Variants in CPN1 observed in about 807,000 individuals in gnomAD.
The protein encoded by CPN1 is carboxypeptidase N catalytic chain.
CPN1 carries 37 observed loss-of-function variants against 46.4 expected under a neutral mutation model. The ratio of observed to expected loss-of-function variants is 0.80; its 90% CI spans 0.61 to 1.05. CPN1 has a LOEUF of 1.05. CPN1 is among the 50% of genes least tolerant of loss of function. CPN1 has a pLI of 0.00. For synonymous variants in CPN1, 224 were observed against 235.4 expected (o/e 0.95, Z 0.44); for missense variants, 563 against 602.6 (o/e 0.93, Z 0.69).
At chr10:100,068,154 CAA>C (rs753569536) in intron 3 of CPN1, among the ~76,000 whole-genome samples, 13 of 55,116 alleles carry the variant, frequency 2.4e-4, no homozygotes, top group Non-Finnish European at 3.2e-4. Context: ...GACTCTGTCT[CAA>C]AAAAAAAAAA....
Position 100,069,857 on chromosome 10 carries a change from G to C in CPN1, c.433C>G (p.Pro145Ala), listed in dbSNP as rs772673021. 1.1e-5 allele frequency: 17 copies of C among 1,613,542 alleles called. No homozygotes were observed. The highest frequency in any genetic ancestry group is 1.4e-5 in the Non-Finnish European group (16 of 1,179,986). Residue 145 changes from proline to alanine, a missense_variant, in exon 3 of 9, where the codon CCT becomes GCT. Transcript: ENST00000370418. ...TTGTTCCTGCCAACTAGATACCCAG[G>C]CTTGTTTGGGCCCTAAAGGAAAATG... Reference protein sequence around the residue: ...EVAAAQGPNKPGYLVGRNNAN... With the variant: ...EVAAAQGPNKAGYLVGRNNAN...
At position 100,065,322 on chromosome 10, in the gene CPN1, A is replaced by C. The variant is rs1015106851; in HGVS notation, c.625T>G (p.Phe209Val). Residue 209 changes from phenylalanine to valine, a missense_variant, in exon 4 of 9, where the codon TTT becomes GTT. Coordinates refer to ENST00000370418, the MANE Select transcript of CPN1 (RefSeq NM_001308.3). ...CCGTGGAGATTGGCTGAAAGAACAAAGTTGAAGGAGTGCATCCACCGGATC... is the reference window on the plus strand; with the variant it reads ...CCGTGGAGATTGGCTGAAAGAACAACGTTGAAGGAGTGCATCCACCGGATC... ...AVIRWMHSFN[F>V]VLSANLHGGA... 1.2e-5 allele frequency: 19 copies of C among 1,614,044 alleles called. No individual in the cohort carries two copies. The highest frequency in any genetic ancestry group is 1.6e-5 in the Non-Finnish European group (19 of 1,180,036).
At chr10:100,068,956 G>A (rs2041469916) in intron 3 of CPN1, among the ~76,000 whole-genome samples, 1 of 152,220 alleles carries the variant, frequency 6.6e-6, no homozygotes, top group Non-Finnish European at 1.5e-5. Flanking sequence ...GTTGGAATAA[G>A]AATCAGAAGG....
intron 5 of CPN1, among the ~76,000 whole-genome samples, chr10:100,063,357 G>A (rs2041431904): frequency 6.6e-6 from 1 of 152,082 alleles, no homozygotes; most frequent in African/African-American, 2.4e-5. Context: ...TCCTGACCTC[G>A]TGATCCACCC....
chr10:100,076,090 A>G lies in CPN1; in HGVS notation c.241T>C (p.Tyr81His), dbSNP rs1412851052. 1.2e-6 allele frequency: 2 copies of G among 1,614,104 alleles called. No individual in the cohort carries two copies. The highest frequency in any genetic ancestry group is 1.3e-5 in the African/African-American group (1 of 74,928). ...TCGTTGCCGTGCATGTTCCCCACATACTTGACCTCTGGTTCCACTGCAAGG... is the reference window on the plus strand; with the variant it reads ...TCGTTGCCGTGCATGTTCCCCACATGCTTGACCTCTGGTTCCACTGCAAGG... ...IHEPLEPEVK[Y>H]VGNMHGNEAL... The change falls in exon 2 of 9, where the codon TAT becomes CAT. Residue 81 changes from tyrosine to histidine, a missense_variant. By Grantham distance (83) the Tyr-to-His change is moderately conservative. Transcript: ENST00000370418.
intron 3 of CPN1, 74 bp from the exon 4 acceptor site, chr10:100,065,444 G>T: frequency 6.5e-7 from 1 of 1,533,860 alleles, no homozygotes; most frequent in South Asian, 1.1e-5. Context: ...GAGTAAGTCT[G>T]TCAGGAAGTG....
chr10:100,068,074 C>G lies in CPN1; in HGVS notation c.576+1640G>C, dbSNP rs553644708. On this transcript the variant is annotated intron_variant, in intron 3 of 8. Transcript: ENST00000370418. ...GACTGAGGCAGGAGAATCGCTTGAA[C>G]CCAGGAGGAAGAGGTTGCAGTGAGC... 2.7e-5 allele frequency among the ~76,000 whole-genome samples: 4 copies of G among 150,880 alleles called. No individual in the cohort carries two copies. In the South Asian group the frequency reaches 6.3e-4, roughly 24 times the overall value.
chr10:100,066,737 CA>C (rs2041456542), intron 3 of CPN1, among the ~76,000 whole-genome samples: 2 of 152,196 alleles, frequency 1.3e-5, no homozygotes, highest in Admixed American at 1.3e-4. Flanking sequence ...CCTTCTGGAC[CA>C]AGGTCAGCTC....
chr10:100,074,966 C>T (rs1181584792), intron 2 of CPN1, among the ~76,000 whole-genome samples: 1 of 152,184 alleles, frequency 6.6e-6, no homozygotes, highest in Non-Finnish European at 1.5e-5. Flanking sequence ...GTTAGGCACG[C>T]TGACATTTTG....
At chr10:100,059,864 G>T (rs2041407075) in intron 5 of CPN1, among the ~76,000 whole-genome samples, 1 of 152,090 alleles carries the variant, frequency 6.6e-6, no homozygotes, top group Non-Finnish European at 1.5e-5. Context: ...GGATAAATGA[G>T]AAACAAAATG....
chr10:100,045,431 T>C (rs149458822), intron 8 of CPN1, among the ~76,000 whole-genome samples: 20 of 152,344 alleles, frequency 1.3e-4, no homozygotes, highest in African/African-American at 4.3e-4. Context: ...CCTGCAACTG[T>C]AAGCAGAAGT....
At chr10:100,064,959 G>A (rs2041444484) in intron 4 of CPN1, among the ~76,000 whole-genome samples, 1 of 152,034 alleles carries the variant, frequency 6.6e-6, no homozygotes, top group African/African-American at 2.4e-5. Flanking sequence ...AGTATTTTCT[G>A]CATCGTGGTA....
Position 100,048,819 on chromosome 10 carries a change from G to A in CPN1, c.1169C>T (p.Thr390Ile), listed in dbSNP as rs1306764073. The change falls in exon 8 of 9, where the codon ACA becomes ATA. Residue 390 changes from threonine (T) to isoleucine (I), a missense_variant. By Grantham distance (89) the Thr-to-Ile change is moderately conservative. Transcript: ENST00000370418. ...LLPGIYTVSA[T>I]APGYDPETVT... ...TGTCTCTGGGTCATACCCAGGTGCT[G>A]TGGCACTAACAGTGTAGATACCTGG... The A allele has an allele frequency of 1.9e-6, 3 of 1,613,852 alleles. No individual in the cohort carries two copies. The highest frequency in any genetic ancestry group is 2.5e-6 in the Non-Finnish European group (3 of 1,179,860).
chr10:100,057,272 AATTTT>A, intron 5 of CPN1, 120 bp from the exon 6 acceptor site: 1 of 1,122,854 alleles, frequency 8.9e-7, no homozygotes, highest in Non-Finnish European at 1.3e-6. Context: ...ATTACCTTTT[AATTTT>A]ATTTATTTCA....
chr10:100,050,564 G>C lies in CPN1; in HGVS notation c.1112-1688C>G, dbSNP rs914422949. Among the ~76,000 whole-genome samples the C allele has an allele frequency of 1.2e-4, 18 of 152,108 alleles. 1 individual carries two copies. The highest frequency in any genetic ancestry group is 4.1e-4 in the South Asian group (2 of 4,820). On this transcript the variant is annotated intron_variant, in intron 7 of 8. Coordinates refer to ENST00000370418, the MANE Select transcript of CPN1 (RefSeq NM_001308.3). Reference sequence around the variant, plus strand: ...AAAAGCTGCCGGTGGTGTTATATGGGTGTAATCTTATATTCAATGGGAAGG... The same window carrying C: ...AAAAGCTGCCGGTGGTGTTATATGGCTGTAATCTTATATTCAATGGGAAGG...
At chr10:100,051,967 T>C (rs1458805991) in intron 7 of CPN1, among the ~76,000 whole-genome samples, 1 of 149,688 alleles carries the variant, frequency 6.7e-6, no homozygotes, top group East Asian at 2.0e-4. Flanking sequence ...GTGACGTGAT[T>C]TCGGCTCACT....
chr10:100,067,739 A>C (rs1039532714), intron 3 of CPN1, among the ~76,000 whole-genome samples: 2 of 152,240 alleles, frequency 1.3e-5, no homozygotes, highest in African/African-American at 2.4e-5. Context: ...ATTACCAAGG[A>C]CTTCCATTAT....
At chr10:100,060,381 G>A (rs1259312608) in intron 5 of CPN1, among the ~76,000 whole-genome samples, 1 of 152,062 alleles carries the variant, frequency 6.6e-6, no homozygotes, top group Non-Finnish European at 1.5e-5. Context: ...GACCAACATG[G>A]TGAAACCCCG....
chr10:100,042,219 C>T lies in CPN1; in HGVS notation c.*208G>A, dbSNP rs2041278375. ...GATTACAGATGTGAGCCACCACACC[C>T]GGCCACCACATCACCTTTCAATAGA... On this transcript the variant is annotated 3_prime_UTR_variant, in exon 9 of 9. Coordinates refer to ENST00000370418, the MANE Select transcript of CPN1 (RefSeq NM_001308.3). 1.4e-5 allele frequency: 9 copies of T among 622,890 alleles called. No individual in the cohort carries two copies. Among genetic ancestry groups the T allele is most frequent in the African/African-American group, 5.5e-5 (3 of 54,352 alleles). The allele number at this position is 622,890 out of a possible 1,614,324, so 38.6% of individuals were successfully genotyped here. A position where few individuals can be genotyped will look rare whatever the true frequency, so the allele number is the denominator to read the frequency against.
Sources: gnomAD v4.1 joint callset for allele counts (sites outside exome capture counted in the v4.1 genomes callset) on GRCh38, gnomAD v4.1.1 for gene constraint, MANE v1.5 for transcripts, NCBI Gene and HGNC (gene_info 2026-07-23, HGNC 2026-07-21) for gene names.